RORA: variants seen among roughly 807,000 people sequenced by gnomAD.
RORA encodes RAR related orphan receptor A, also known as nuclear receptor ROR-alpha.
A neutral mutation model predicts 69.5 loss-of-function variants in RORA; 7 were observed. That is an observed-to-expected ratio of 0.10 (90% CI 0.06 to 0.19). The LOEUF (loss-of-function observed/expected upper bound fraction) is 0.19. RORA is among the 10% of genes least tolerant of loss of function. The probability of loss-of-function intolerance (pLI) is 1.00; values close to 1 mark genes in which losing one functional copy is unlikely to be tolerated. For missense variants in RORA, 457 were observed against 663.0 expected, an observed-to-expected ratio of 0.69 and a Z score of 3.41; for synonymous variants, 261 against 240.8, an observed-to-expected ratio of 1.08 and a Z score of -0.78.
At chr15:61,003,612 G>A (rs1490084956) in intron 1 of RORA, among the ~76,000 whole-genome samples, 2 of 152,168 alleles carry the variant, frequency 1.3e-5, no homozygotes, top group African/African-American at 4.8e-5. Flanking sequence ...ATGTGGGTTT[G>A]TGTGTCTAAG....
chr15:60,606,045 G>A (rs566827369), intron 2 of RORA, among the ~76,000 whole-genome samples: 3 of 152,272 alleles, frequency 2.0e-5, no homozygotes, highest in Non-Finnish European at 2.9e-5. Flanking sequence ...CCCAGAACAC[G>A]AAATATTTGG....
rs963754089 is a variant in RORA, at chr15:60,883,745, G to A, written c.167-205059C>T. Among the ~76,000 whole-genome samples, 4 of 152,192 alleles carry A rather than the reference G, an allele frequency of 2.6e-5. No homozygotes were observed. The South Asian group carries it at 6.2e-4, about 24-fold the overall frequency. ...TTATAAATAGAAGATAGATTGTGTT[G>A]TTTGTGCAAAAAGTAAAGGAACAGA... On this transcript the variant is annotated intron_variant, in intron 1 of 10. Coordinates refer to ENST00000335670, the MANE Select transcript of RORA (RefSeq NM_134261.3).
At chr15:60,504,680 G>A (rs955433052) in intron 6 of RORA, among the ~76,000 whole-genome samples, 12 of 152,196 alleles carry the variant, frequency 7.9e-5, no homozygotes, top group African/African-American at 2.9e-4. Flanking sequence ...AGCTTTGGCT[G>A]CTGGCATTAC....
rs192872465 is a variant in RORA at position 60,637,996 on chromosome 15, G to C, written c.196+40661C>G. The stretch of plus-strand genomic sequence containing the variant: ...GTGTTAGCTCTTGTGTCTATAAAGG[G>C]TGGGGTTCATGCTATGACACAGAAA... On this transcript the variant is annotated intron_variant, in intron 2 of 10. Coordinates refer to ENST00000335670, the MANE Select transcript of RORA (RefSeq NM_134261.3). 1.0e-3 allele frequency among the ~76,000 whole-genome samples: 156 copies of C among 152,278 alleles called. 1 individual carries two copies. Among genetic ancestry groups the C allele is most frequent in the Admixed American group, 0.01 (156 of 15,298 alleles).
At chr15:60,946,987 T>A (rs945365461) in intron 1 of RORA, among the ~76,000 whole-genome samples, 1 of 149,974 alleles carries the variant, frequency 6.7e-6, no homozygotes, top group Non-Finnish European at 1.5e-5. Flanking sequence ...AGCCCCTCCG[T>A]CCGGCAGCCG....
chr15:60,749,734 A>G (rs2071697219), intron 1 of RORA, among the ~76,000 whole-genome samples: 1 of 152,162 alleles, frequency 6.6e-6, no homozygotes, highest in Non-Finnish European at 1.5e-5. Context: ...TAACGATAAT[A>G]GCTAATATTA....
chr15:60,968,317 C>T (rs966223091), intron 1 of RORA, among the ~76,000 whole-genome samples: 2 of 152,216 alleles, frequency 1.3e-5, no homozygotes, highest in Admixed American at 1.3e-4. Flanking sequence ...AGTCCTTAAA[C>T]ATACGCATGC....
intron 1 of RORA, among the ~76,000 whole-genome samples, chr15:60,780,761 T>C (rs927842971): frequency 1.3e-5 from 2 of 152,330 alleles, no homozygotes; most frequent in South Asian, 4.1e-4. Flanking sequence ...TGAGGGTCTA[T>C]TGTGTTTCAG....
At chr15:60,949,559 A>C (rs150294070) in intron 1 of RORA, among the ~76,000 whole-genome samples, 1 of 152,308 alleles carries the variant, frequency 6.6e-6, no homozygotes, top group East Asian at 1.9e-4. Flanking sequence ...CTTCTGCTCC[A>C]ATTGTCGTAG....
chr15:60,526,427 G>A (rs758584064), intron 3 of RORA, among the ~76,000 whole-genome samples: 6 of 152,198 alleles, frequency 3.9e-5, no homozygotes, highest in South Asian at 2.1e-4. Context: ...CGAGCCAGGC[G>A]TTTTCTGTGA....
chr15:60,852,163 G>A (rs1484472019), intron 1 of RORA, among the ~76,000 whole-genome samples: 1 of 152,174 alleles, frequency 6.6e-6, no homozygotes, highest in Non-Finnish European at 1.5e-5. Flanking sequence ...AGAGCATCAT[G>A]TTTAAGGACA....
chr15:61,126,507 C>T (rs756915503), intron 1 of RORA, among the ~76,000 whole-genome samples: 16 of 152,106 alleles, frequency 1.1e-4, no homozygotes, highest in Non-Finnish European at 1.9e-4. Flanking sequence ...CACTTCATTC[C>T]CCCTCCTTGC....
At chr15:60,838,629 G>A (rs764662949) in intron 1 of RORA, among the ~76,000 whole-genome samples, 10 of 152,206 alleles carry the variant, frequency 6.6e-5, no homozygotes, top group Non-Finnish European at 1.5e-4. Context: ...CACACCAGAC[G>A]TAATGGCGTC....
chr15:60,709,533 G>T (rs1026588879), intron 1 of RORA, among the ~76,000 whole-genome samples: 14 of 151,942 alleles, frequency 9.2e-5, no homozygotes, highest in African/African-American at 3.4e-4. Context: ...ATTTCCACCT[G>T]AGCTCCAGAT....
intron 1 of RORA, among the ~76,000 whole-genome samples, chr15:61,109,881 T>G (rs1464794667): frequency 6.6e-6 from 1 of 152,192 alleles, no homozygotes; most frequent in Non-Finnish European, 1.5e-5. Context: ...TAAGTACTAA[T>G]ATGTACCTGT....
At chr15:60,935,066 C>T (rs997856667) in intron 1 of RORA, among the ~76,000 whole-genome samples, 1 of 152,120 alleles carries the variant, frequency 6.6e-6, no homozygotes, top group African/African-American at 2.4e-5. Flanking sequence ...ATAATGAATC[C>T]CACAGGGGGC....
chr15:60,990,650 GT>G (rs1300750555), intron 1 of RORA, among the ~76,000 whole-genome samples: 6 of 152,058 alleles, frequency 3.9e-5, no homozygotes, highest in Middle Eastern at 3.2e-3. Flanking sequence ...TGTGAAATAT[GT>G]TACATATACA....
chr15:61,108,094 A>G (rs1332160046), intron 1 of RORA, among the ~76,000 whole-genome samples: 2 of 152,178 alleles, frequency 1.3e-5, no homozygotes, highest in Non-Finnish European at 2.9e-5. Flanking sequence ...TCAGGGCCCA[A>G]TACAAATGTC....
chr15:61,044,527 A>T (rs1005922268), intron 1 of RORA, among the ~76,000 whole-genome samples: 2 of 152,204 alleles, frequency 1.3e-5, no homozygotes, highest in Non-Finnish European at 2.9e-5. Flanking sequence ...AAATATCTCA[A>T]TTTTTTTACA....
Sources: gnomAD v4.1 joint callset for allele counts (sites outside exome capture counted in the v4.1 genomes callset) on GRCh38, gnomAD v4.1.1 for gene constraint, MANE v1.5 for transcripts, NCBI Gene and HGNC (gene_info 2026-07-23, HGNC 2026-07-21) for gene names.